The following PYGB variants were observed in gnomAD, a reference collection of about 807,000 sequenced individuals.
PYGB encodes the protein glycogen phosphorylase B.
In PYGB, 82 loss-of-function variants were observed where a neutral mutation model predicts 94.3. That is an observed-to-expected ratio of 0.87 (90% CI 0.73 to 1.04). PYGB has a LOEUF of 1.04. Among genes scored for constraint, PYGB ranks in the 50% least tolerant of loss-of-function variants. The pLI is 0.00. For missense variants in PYGB, 1,132 were observed against 1,158.2 expected (o/e 0.98, Z 0.33); for synonymous variants, 488 against 479.1 (o/e 1.02, Z -0.24).
At chr20:25,293,961 A>G in intron 17 of PYGB, 197 bp from the exon 18 acceptor site, 2 of 631,516 alleles carry the variant, frequency 3.2e-6, no homozygotes, top group East Asian at 2.8e-5. Flanking sequence ...GACTGACTTC[A>G]CATCTCTGCT....
In PYGB at chr20:25,297,537, C is replaced by A. The variant is rs1262557758; in HGVS notation, c.*1015C>A. ...CTCGTCTGGAAAAAGGACCAGGGGT[C>A]CCGGAGGAACCCATTTGTGCTCTGC... On this transcript the variant is annotated 3_prime_UTR_variant, in exon 20 of 20. Transcript: ENST00000216962. 6.6e-6 allele frequency: 1 copy of A among 152,292 alleles called. No individual in the cohort carries two copies. The highest frequency in any genetic ancestry group is 1.5e-5 in the Non-Finnish European group (1 of 68,100). 9.4% of individuals were successfully genotyped at this position (152,292 alleles called of 1,614,324 possible).
intron 2 of PYGB, among the ~76,000 whole-genome samples, chr20:25,264,454 G>A (rs1230859865): frequency 6.6e-6 from 1 of 152,112 alleles, no homozygotes; most frequent in Non-Finnish European, 1.5e-5. Context: ...GAAATAAAGG[G>A]TATTCAGTGA....
intron 16 of PYGB, among the ~76,000 whole-genome samples, chr20:25,291,719 A>G (rs2088469338): frequency 6.6e-6 from 1 of 150,626 alleles, no homozygotes; most frequent in Non-Finnish European, 1.5e-5. Context: ...ACTCCTGCTC[A>G]TCTTTAGAGC....
chr20:25,259,245 TTA>T lies in PYGB; in HGVS notation c.254_255del (p.Tyr85SerfsTer26). The T allele has an allele frequency of 6.3e-7, 1 of 1,598,774 alleles. No homozygotes were observed. On this transcript the variant is annotated frameshift_variant, in exon 2 of 20. Transcript: ENST00000216962. LOFTEE classifies it high-confidence loss of function. Reference sequence around the variant, plus strand: ...TTCTTCTGCTTCCTCAGCGCATTTATTATCTTTCCCTGGAATTCTACATGGGT... The same window carrying T: ...TTCTTCTGCTTCCTCAGCGCATTTATTCTTTCCCTGGAATTCTACATGGGT... ...YYERDPKRIY[Y>X]LSLEFYMGRT...
chr20:25,277,286 T>G lies in PYGB; in HGVS notation c.815T>G (p.Leu272Trp). Residue 272 changes from leucine to tryptophan, a missense_variant, in exon 7 of 20, where the codon TTG becomes TGG. Coordinates refer to ENST00000216962, the MANE Select transcript of PYGB (RefSeq NM_002862.4). The part of the protein sequence containing the change: ...DYIEAVLDRN[L>W]AENISRVLYP... ...ATCGAGGCGGTCCTGGACCGGAACT[T>G]GGCTGAGAACATCTCCAGGGTCCTG... is the stretch of plus-strand genomic sequence containing the variant. 1 of 1,586,690 alleles carries G rather than the reference T, an allele frequency of 6.3e-7. No homozygotes were observed. Among genetic ancestry groups the G allele is most frequent in the Non-Finnish European group, 8.7e-7 (1 of 1,155,094 alleles).
intron 1 of PYGB, among the ~76,000 whole-genome samples, chr20:25,249,930 A>G (rs1481707319): frequency 6.6e-6 from 1 of 151,378 alleles, no homozygotes; most frequent in East Asian, 1.9e-4. Flanking sequence ...GCTCAGTGCA[A>G]CCTCCGCCTC....
At chr20:25,257,869 G>A (rs189096560) in intron 1 of PYGB, among the ~76,000 whole-genome samples, 11 of 152,154 alleles carry the variant, frequency 7.2e-5, no homozygotes, top group Non-Finnish European at 1.3e-4. Flanking sequence ...TCTGCCAGAG[G>A]GGGGAGGCAG....
chr20:25,268,887 A>G (rs1275341262), intron 2 of PYGB, among the ~76,000 whole-genome samples: 2 of 152,260 alleles, frequency 1.3e-5, no homozygotes, highest in African/African-American at 4.8e-5. Context: ...TTTAGGATAC[A>G]TGTTATAATT....
intron 1 of PYGB, among the ~76,000 whole-genome samples, chr20:25,255,539 A>T (rs2092900479): frequency 6.6e-6 from 1 of 152,124 alleles, no homozygotes; most frequent in East Asian, 1.9e-4. Flanking sequence ...AGGGAGGGAC[A>T]CTCTGCCCTG....
At chr20:25,263,683 G>A (rs186056224) in intron 2 of PYGB, among the ~76,000 whole-genome samples, 16 of 152,306 alleles carry the variant, frequency 1.1e-4, no homozygotes, top group Admixed American at 3.3e-4. Context: ...AAATCTAGAG[G>A]AAATGGATAA....
intron 8 of PYGB, among the ~76,000 whole-genome samples, 160 bp from the exon 9 acceptor site, chr20:25,278,897 C>T (rs2088339120): frequency 6.6e-6 from 1 of 152,054 alleles, no homozygotes; most frequent in Non-Finnish European, 1.5e-5. Flanking sequence ...GCCCGACTGT[C>T]CTCCCTGCTC....
intron 18 of PYGB, chr20:25,295,163 A>C: frequency 1.1e-6 from 1 of 922,030 alleles, no homozygotes; most frequent in Non-Finnish European, 1.8e-6. Context: ...CAGGAACTGC[A>C]AGTCAGTATT....
At chr20:25,275,426 C>T (rs1024323547) in intron 5 of PYGB, among the ~76,000 whole-genome samples, 4 of 152,042 alleles carry the variant, frequency 2.6e-5, no homozygotes, top group African/African-American at 7.2e-5. Flanking sequence ...TGCAGGAGAA[C>T]GTGGGGGCAT....
intron 1 of PYGB, among the ~76,000 whole-genome samples, chr20:25,254,429 G>A (rs968640357): frequency 2.6e-5 from 4 of 152,092 alleles, no homozygotes; most frequent in Admixed American, 6.6e-5. Context: ...GCAAATAACC[G>A]CAGGAGATAG....
rs142992981 is a variant in PYGB, at chr20:25,296,436, C to T, written c.2446C>T (p.Arg816Trp). 2.5e-6 allele frequency: 4 copies of T among 1,613,850 alleles called. No individual in the cohort carries two copies. Among genetic ancestry groups the T allele is most frequent in the African/African-American group, 1.3e-5 (1 of 74,906 alleles). The change falls in exon 20 of 20, where the codon CGG becomes TGG. Residue 816 changes from arginine to tryptophan, a missense_variant. Arg to Trp is a moderately radical substitution (Grantham distance 101, BLOSUM62 -3). Coordinates refer to ENST00000216962, the MANE Select transcript of PYGB (RefSeq NM_002862.4). Reference protein sequence around the residue: ...IACSGKFSSDRTITEYAREIW... With the variant: ...IACSGKFSSDWTITEYAREIW... ...CTGCTCGGGCAAGTTCTCCAGTGAC[C>T]GGACCATCACGGAGTATGCACGGGA...
rs879275547 is a variant in PYGB, at chr20:25,297,045, C to T, written c.*523C>T. ...GCCATGCCGGGAGGGGTCGGATCCT[C>T]TAGGCATCGCCTTCACAGCCCCCTG... On this transcript the variant is annotated 3_prime_UTR_variant, in exon 20 of 20. Coordinates refer to ENST00000216962, the MANE Select transcript of PYGB (RefSeq NM_002862.4). 1 of 162,244 alleles carries T rather than the reference C, an allele frequency of 6.2e-6. No homozygotes were observed. The highest frequency in any genetic ancestry group is 1.4e-5 in the Non-Finnish European group (1 of 73,782). The allele number at this position is 162,244 out of a possible 1,614,324, so 10.1% of individuals were successfully genotyped here.
At chr20:25,289,383 C>G (rs2088445761) in intron 15 of PYGB, among the ~76,000 whole-genome samples, 1 of 152,234 alleles carries the variant, frequency 6.6e-6, no homozygotes, top group Non-Finnish European at 1.5e-5. Context: ...CGGTGTCTCA[C>G]GTCTGTAATC....
Position 25,283,188 on chromosome 20 carries a change from G to T in PYGB, c.1531G>T (p.Glu511Ter). The change falls in exon 13 of 20, where the codon GAG becomes TAG. Residue 511 changes from glutamate to a stop codon, truncating the protein, a stop_gained. Coordinates refer to ENST00000216962, the MANE Select transcript of PYGB (RefSeq NM_002862.4). LOFTEE classifies it high-confidence loss of function. Reference protein sequence around the residue: ...ADTIVEKIGEEFLTDLSQLKK... With the variant: ...ADTIVEKIGE ...TTACGTTCTCCAGAAAATTGGGGAG[G>T]AGTTCCTGACTGACCTGAGCCAGCT... 6.2e-7 allele frequency: 1 copy of T among 1,613,386 alleles called. No homozygotes were observed. The highest frequency in any genetic ancestry group is 8.5e-7 in the Non-Finnish European group (1 of 1,179,460).
At chr20:25,294,531 C>G (rs1261876191) in intron 18 of PYGB, among the ~76,000 whole-genome samples, 1 of 152,242 alleles carries the variant, frequency 6.6e-6, no homozygotes, top group South Asian at 2.1e-4. Flanking sequence ...AGTCCAGCCC[C>G]CAGGCCTTGT....
Sources: gnomAD v4.1 joint callset for allele counts (sites outside exome capture counted in the v4.1 genomes callset) on GRCh38, gnomAD v4.1.1 for gene constraint, MANE v1.5 for transcripts, NCBI Gene and HGNC (gene_info 2026-07-23, HGNC 2026-07-21) for gene names.